The following OR8U3 variants were observed in gnomAD, a reference collection of about 807,000 sequenced individuals.
OR8U3 encodes the protein olfactory receptor family 8 subfamily U member 3, also known as olfactory receptor 8U3.
For missense variants in OR8U3, 429 were observed against 388.6 expected, an observed-to-expected ratio of 1.10 and a Z score of -0.88; for synonymous variants, 170 against 147.0, an observed-to-expected ratio of 1.16 and a Z score of -1.13.
In OR8U3 at chr11:56,417,361, C is replaced by A. The variant is rs1392829978; in HGVS notation, c.872G>T (p.Ser291Ile). 6.2e-7 allele frequency: 1 copy of A among 1,612,082 alleles called. No homozygotes were observed. The highest frequency in any genetic ancestry group is 8.5e-7 in the Non-Finnish European group (1 of 1,178,270). Reference sequence around the variant, plus strand: ...ATCTTTCACTTCTTTGTTCCTTAGACTATAGATTAGGGGGTTTAACATGGG... The same window carrying A: ...ATCTTTCACTTCTTTGTTCCTTAGAATATAGATTAGGGGGTTTAACATGGG... ...VIPMLNPLIY[S>I]LRNKEVKDAS... Residue 291 changes from serine (S) to isoleucine (I), a missense_variant, in exon 1 of 1, where the codon AGT becomes ATT. Physicochemically the swap from Ser to Ile is moderately radical, Grantham distance 142 (BLOSUM62 -2). Coordinates refer to ENST00000623286, the MANE Select transcript of OR8U3 (RefSeq NM_001004744.1).
rs1190449138 is a variant in OR8U3, at chr11:56,417,809, T to C, written c.424A>G (p.Ile142Val). 1 of 1,613,772 alleles carries C rather than the reference T, an allele frequency of 6.2e-7. No homozygotes were observed. The highest frequency in any genetic ancestry group is 2.2e-5 in the East Asian group (1 of 44,884). ...YSTLMSRRVC[I>V]QLVAVPYIYS... ...ATATATGGAACTGCCACCAGTTGAA[T>C]GCAGACTCTTCTTGACATCAGTGTT... The change falls in exon 1 of 1, where the codon ATT (isoleucine) becomes GTT (valine). Residue 142 changes from isoleucine to valine, a missense_variant. Coordinates refer to ENST00000623286, the MANE Select transcript of OR8U3 (RefSeq NM_001004744.1).
rs149197985 is a variant in OR8U3, at chr11:56,417,547, C to T, written c.686G>A (p.Arg229His). Residue 229 changes from arginine to histidine, a missense_variant, in exon 1 of 1, where the codon CGC (arginine) becomes CAC (histidine). Arg to His is a conservative substitution (Grantham distance 29). Transcript: ENST00000623286. ...GGCTTTGTGTTGCCCCTGAGTAGAG[C>T]GGATCCTTAGGATAGCGGCAATAAT... The part of the protein sequence containing the change: ...IFIIAAILRI[R>H]STQGQHKAIS... 12,476 of 1,613,634 alleles carry T rather than the reference C, an allele frequency of 7.7e-3. 60 individuals are homozygous for T. Among genetic ancestry groups the T allele is most frequent in the Non-Finnish European group, 9.3e-3 (10,953 of 1,179,748 alleles).
chr11:56,417,601 G>A lies in OR8U3; in HGVS notation c.632C>T (p.Ser211Phe). The A allele has an allele frequency of 6.2e-7, 1 of 1,613,950 alleles. No homozygotes were observed. Among genetic ancestry groups the A allele is most frequent in the South Asian group, 1.1e-5 (1 of 91,086 alleles). Residue 211 changes from serine to phenylalanine, a missense_variant, in exon 1 of 1, where the codon TCT becomes TTT. Ser to Phe is a radical substitution (Grantham distance 155). Coordinates refer to ENST00000623286, the MANE Select transcript of OR8U3 (RefSeq NM_001004744.1). ...GATGTAGGAGGTGAGGACAATGGAA[G>A]AGGAAGAGATCATATCAAAGCCAGC... ...AFAGFDMISS[S>F]SIVLTSYIFI...
In OR8U3 at chr11:56,417,515, T is replaced by C; in HGVS notation, c.718A>G (p.Thr240Ala). ...STQGQHKAISTCGSHMVTVTI... is the reference protein window; with the variant it reads ...STQGQHKAISACGSHMVTVTI... ...ACAGTCACCATATGGGAGCCACAGG[T>C]GGAAATGGCTTTGTGTTGCCCCTGA... is the stretch of plus-strand genomic sequence containing the variant. The change falls in exon 1 of 1, where the codon ACC (threonine) becomes GCC (alanine). Residue 240 changes from threonine (T) to alanine (A), a missense_variant. Coordinates refer to ENST00000623286, the MANE Select transcript of OR8U3 (RefSeq NM_001004744.1). 1 of 1,613,726 alleles carries C rather than the reference T, an allele frequency of 6.2e-7. No individual in the cohort carries two copies. Among genetic ancestry groups the C allele is most frequent in the Non-Finnish European group, 8.5e-7 (1 of 1,179,914 alleles).
chr11:56,417,268 TTTC>T lies in OR8U3; in HGVS notation c.962_964del (p.Arg321del). ...TTATTTCCTGCTTGTTTAATAAAGTTTTCTTATTTTTAAAAATGTTAATATCTG... is the reference window on the plus strand; with the variant it reads ...TTATTTCCTGCTTGTTTAATAAAGTTTTATTTTTAAAAATGTTAATATCTG... On this transcript the variant is annotated inframe_deletion, in exon 1 of 1. Transcript: ENST00000623286. 1 of 1,339,666 alleles carries T rather than the reference TTTC, an allele frequency of 7.5e-7. No individual in the cohort carries two copies. Among genetic ancestry groups the T allele is most frequent in the African/African-American group, 1.5e-5 (1 of 67,982 alleles). 83.0% of individuals were successfully genotyped at this position (1,339,666 alleles called of 1,614,324 possible).
At position 56,417,737 on chromosome 11, in the gene OR8U3, G is replaced by C. The variant is rs748959249; in HGVS notation, c.496C>G (p.Leu166Val). ...ALFHTVITFRLTYCGPNLINH... is the reference protein window; with the variant it reads ...ALFHTVITFRVTYCGPNLINH... ...ATTAAGTTTGGGCCACAGTAAGTCA[G>C]ACGGAAAGTGATAACGGTGTGGAAG... Residue 166 changes from leucine to valine, a missense_variant, in exon 1 of 1, where the codon CTG (leucine) becomes GTG (valine). Physicochemically the swap from Leu to Val is conservative, Grantham distance 32. Transcript: ENST00000623286. 4 of 1,614,074 alleles carry C rather than the reference G, an allele frequency of 2.5e-6. No individual in the cohort carries two copies. Among genetic ancestry groups the C allele is most frequent in the Non-Finnish European group, 3.4e-6 (4 of 1,179,956 alleles).
Position 56,417,628 on chromosome 11 carries a change from A to T in OR8U3, c.605T>A (p.Phe202Tyr). Residue 202 changes from phenylalanine (F) to tyrosine (Y), a missense_variant, in exon 1 of 1, where the codon TTT becomes TAT. By Grantham distance (22) the Phe-to-Tyr change is conservative. Transcript: ENST00000623286. ...GGAAGAGATCATATCAAAGCCAGCA[A>T]AGGCAAATATCAGAATTTCCTTCAT... ...THMKEILIFA[F>Y]AGFDMISSSS... 1 of 1,614,066 alleles carries T rather than the reference A, an allele frequency of 6.2e-7. No homozygotes were observed. Among genetic ancestry groups the T allele is most frequent in the Non-Finnish European group, 8.5e-7 (1 of 1,179,972 alleles).
At position 56,417,311 on chromosome 11, in the gene OR8U3, C is replaced by A. The variant is rs1853168360; in HGVS notation, c.922G>T (p.Gly308Cys). The change falls in exon 1 of 1, where the codon GGT (glycine) becomes TGT (cysteine). Residue 308 changes from glycine to cysteine, a missense_variant. By Grantham distance (159) the Gly-to-Cys change is radical (BLOSUM62 -3). Coordinates refer to ENST00000623286, the MANE Select transcript of OR8U3 (RefSeq NM_001004744.1). ...GTTAATATCTGTAAGTTTTCACAACCTTTATCCAAGGCTTTCTTTGAGGCA... is the reference window on the plus strand; with the variant it reads ...GTTAATATCTGTAAGTTTTCACAACATTTATCCAAGGCTTTCTTTGAGGCA... ...KDASKKALDK[G>C]CENLQILTFL... is the part of the protein sequence containing the mutation. 6.4e-7 allele frequency: 1 copy of A among 1,565,310 alleles called. No individual in the cohort carries two copies. Among genetic ancestry groups the A allele is most frequent in the Admixed American group, 1.8e-5 (1 of 56,414 alleles).
Position 56,417,798 on chromosome 11 carries a change from C to T in OR8U3, c.435G>A (p.Val145=), listed in dbSNP as rs753415108. 6.2e-7 allele frequency: 1 copy of T among 1,613,814 alleles called. No individual in the cohort carries two copies. Residue 145 remains valine, a synonymous_variant, in exon 1 of 1, where the codon GTG becomes GTA. Coordinates refer to ENST00000623286, the MANE Select transcript of OR8U3 (RefSeq NM_001004744.1). ...LMSRRVCIQL[V]AVPYIYSFLV... ...GGAAGCTGTATATATATGGAACTGC[C>T]ACCAGTTGAATGCAGACTCTTCTTG...
chr11:56,417,576 G>C lies in OR8U3; in HGVS notation c.657C>G (p.Ile219Met). The C allele has an allele frequency of 6.2e-7, 1 of 1,613,830 alleles. No homozygotes were observed. Among genetic ancestry groups the C allele is most frequent in the Non-Finnish European group, 8.5e-7 (1 of 1,179,800 alleles). The change falls in exon 1 of 1, where the codon ATC becomes ATG. Residue 219 changes from isoleucine (I) to methionine (M), a missense_variant. Physicochemically the swap from Ile to Met is conservative, Grantham distance 10 (BLOSUM62 1). Coordinates refer to ENST00000623286, the MANE Select transcript of OR8U3 (RefSeq NM_001004744.1). Reference protein sequence around the residue: ...SSSSIVLTSYIFIIAAILRIR... With the variant: ...SSSSIVLTSYMFIIAAILRIR... ...TCCTTAGGATAGCGGCAATAATAAA[G>C]ATGTAGGAGGTGAGGACAATGGAAG...
chr11:56,418,220 T>C lies in OR8U3; in HGVS notation c.13A>G (p.Asn5Asp). The C allele has an allele frequency of 1.3e-6, 2 of 1,581,252 alleles. No homozygotes were observed. Among genetic ancestry groups the C allele is most frequent in the Non-Finnish European group, 1.7e-6 (2 of 1,167,676 alleles). The change falls in exon 1 of 1, where the codon AAT becomes GAT. Residue 5 changes from asparagine (N) to aspartate (D), a missense_variant. Coordinates refer to ENST00000623286, the MANE Select transcript of OR8U3 (RefSeq NM_001004744.1). MAEV[N>D]IIYVTVFILK... ...ATGAATACAGTGACATAAATGATAT[T>C]AACTTCAGCCATTTATCCTAACAGG...
chr11:56,417,787 T>A lies in OR8U3; in HGVS notation c.446A>T (p.Tyr149Phe). 1 of 1,613,944 alleles carries A rather than the reference T, an allele frequency of 6.2e-7. No homozygotes were observed. Among genetic ancestry groups the A allele is most frequent in the Admixed American group, 1.7e-5 (1 of 59,970 alleles). ...RVCIQLVAVP[Y>F]IYSFLVALFH... is the part of the protein sequence containing the mutation. ...GAGGGCAACCAGGAAGCTGTATATATATGGAACTGCCACCAGTTGAATGCA... is the reference window on the plus strand; with the variant it reads ...GAGGGCAACCAGGAAGCTGTATATAAATGGAACTGCCACCAGTTGAATGCA... Residue 149 changes from tyrosine (Y) to phenylalanine (F), a missense_variant, in exon 1 of 1, where the codon TAT (tyrosine) becomes TTT (phenylalanine). Tyr to Phe is a conservative substitution (Grantham distance 22). Coordinates refer to ENST00000623286, the MANE Select transcript of OR8U3 (RefSeq NM_001004744.1).
In OR8U3 at chr11:56,418,149, A is replaced by C. The variant is rs767617940; in HGVS notation, c.84T>G (p.Phe28Leu). The change falls in exon 1 of 1, where the codon TTT becomes TTG. Residue 28 changes from phenylalanine (F) to leucine (L), a missense_variant. Phe to Leu is a conservative substitution (Grantham distance 22). Transcript: ENST00000623286. Reference sequence around the variant, plus strand: ...CCAGATAGATAACTAAAAACACCCCAAAGCACGGGGCCTGAAGCTCTGGCC... The same window carrying C: ...CCAGATAGATAACTAAAAACACCCCCAAGCACGGGGCCTGAAGCTCTGGCC... ...TNRPELQAPC[F>L]GVFLVIYLVT... The C allele has an allele frequency of 6.2e-7, 1 of 1,613,896 alleles. No individual in the cohort carries two copies. The highest frequency in any genetic ancestry group is 8.5e-7 in the Non-Finnish European group (1 of 1,179,846).
Position 56,418,072 on chromosome 11 carries a change from C to T in OR8U3, c.161G>A (p.Arg54Gln), listed in dbSNP as rs774174265. 5.6e-6 allele frequency: 9 copies of T among 1,613,624 alleles called. No individual in the cohort carries two copies. Among genetic ancestry groups the T allele is most frequent in the Admixed American group, 1.7e-5 (1 of 59,920 alleles). The change falls in exon 1 of 1, where the codon CGA (arginine) becomes CAA (glutamine). Residue 54 changes from arginine (R) to glutamine (Q), a missense_variant. Arg to Gln is a conservative substitution (Grantham distance 43). Transcript: ENST00000623286. The part of the protein sequence containing the change: ...GLITLIKIDT[R>Q]LHTPMYYFLS... Reference sequence around the variant, plus strand: ...GAAATAGTACATAGGTGTGTGGAGTCGAGTATCAATCTTGATTAAAGTAAT... The same window carrying T: ...GAAATAGTACATAGGTGTGTGGAGTTGAGTATCAATCTTGATTAAAGTAAT...
Position 56,418,108 on chromosome 11 carries a change from T to C in OR8U3, c.125A>G (p.Asn42Ser). The change falls in exon 1 of 1, where the codon AAT (asparagine) becomes AGT (serine). Residue 42 changes from asparagine (N) to serine (S), a missense_variant. Asn to Ser is a conservative substitution (Grantham distance 46). Transcript: ENST00000623286. ...CTTGATTAAAGTAATCAACCCAAGA[T>C]TGCCCAGCACTGTGACCAGATAGAT... ...LVIYLVTVLG[N>S]LGLITLIKID... The C allele has an allele frequency of 6.2e-7, 1 of 1,613,834 alleles. No homozygotes were observed. The highest frequency in any genetic ancestry group is 8.5e-7 in the Non-Finnish European group (1 of 1,179,886).
Position 56,417,289 on chromosome 11 carries a change from A to T in OR8U3, c.944T>A (p.Leu315Ter). ...LDKGCENLQI[L>*]TFLKIRKLY ...AAGTTTTCTTATTTTTAAAAATGTT[A>T]ATATCTGTAAGTTTTCACAACCTTT... The change falls in exon 1 of 1, where the codon TTA becomes TAA. Residue 315 changes from leucine to a stop codon, truncating the protein, a stop_gained. Coordinates refer to ENST00000623286, the MANE Select transcript of OR8U3 (RefSeq NM_001004744.1). LOFTEE classifies it low-confidence loss of function (END_TRUNC). 1 of 1,434,888 alleles carries T rather than the reference A, an allele frequency of 7.0e-7. No homozygotes were observed. The highest frequency in any genetic ancestry group is 9.6e-7 in the Non-Finnish European group (1 of 1,046,348). 88.9% of individuals were successfully genotyped at this position (1,434,888 alleles called of 1,614,324 possible).
Position 56,418,157 on chromosome 11 carries a change from G to T in OR8U3, c.76C>A (p.Pro26Thr). ...ATAACTAAAAACACCCCAAAGCACGGGGCCTGAAGCTCTGGCCGGTTGGTA... is the reference window on the plus strand; with the variant it reads ...ATAACTAAAAACACCCCAAAGCACGTGGCCTGAAGCTCTGGCCGGTTGGTA... ...GITNRPELQA[P>T]CFGVFLVIYL... Residue 26 changes from proline (P) to threonine (T), a missense_variant, in exon 1 of 1, where the codon CCG becomes ACG. Physicochemically the swap from Pro to Thr is conservative, Grantham distance 38. Coordinates refer to ENST00000623286, the MANE Select transcript of OR8U3 (RefSeq NM_001004744.1). The T allele has an allele frequency of 6.2e-7, 1 of 1,613,660 alleles. No individual in the cohort carries two copies. Among genetic ancestry groups the T allele is most frequent in the South Asian group, 1.1e-5 (1 of 91,044 alleles).
At position 56,417,959 on chromosome 11, in the gene OR8U3, T is replaced by C. The variant is rs1232507731; in HGVS notation, c.274A>G (p.Ile92Val). 1 of 1,613,690 alleles carries C rather than the reference T, an allele frequency of 6.2e-7. No individual in the cohort carries two copies. Among genetic ancestry groups the C allele is most frequent in the Admixed American group, 1.7e-5 (1 of 59,880 alleles). The change falls in exon 1 of 1, where the codon ATT becomes GTT. Residue 92 changes from isoleucine to valine, a missense_variant. Ile to Val is a conservative substitution (Grantham distance 29). Transcript: ENST00000623286. Reference protein sequence around the residue: ...MVNFVVERNTIPFHACATQLG... With the variant: ...MVNFVVERNTVPFHACATQLG... ...TGGGTTGCACAAGCATGGAAAGGAA[T>C]GGTGTTGCGTTCCACAACAAAATTC...
Position 56,417,928 on chromosome 11 carries a change from C to A in OR8U3, c.305G>T (p.Gly102Val). The A allele has an allele frequency of 6.2e-7, 1 of 1,613,830 alleles. No individual in the cohort carries two copies. Among genetic ancestry groups the A allele is most frequent in the Non-Finnish European group, 8.5e-7 (1 of 1,179,846 alleles). The change falls in exon 1 of 1, where the codon GGT (glycine) becomes GTT (valine). Residue 102 changes from glycine to valine, a missense_variant. Physicochemically the swap from Gly to Val is moderately radical, Grantham distance 109. Transcript: ENST00000623286. Reference sequence around the variant, plus strand: ...AGTGATCATGAAGGTGAGAAAACAACCCAGTTGGGTTGCACAAGCATGGAA... The same window carrying A: ...AGTGATCATGAAGGTGAGAAAACAAACCAGTTGGGTTGCACAAGCATGGAA... ...IPFHACATQLGCFLTFMITEC... is the reference protein window; with the variant it reads ...IPFHACATQLVCFLTFMITEC...
Sources: gnomAD v4.1 joint callset for allele counts on GRCh38, gnomAD v4.1.1 for gene constraint, MANE v1.5 for transcripts, NCBI Gene and HGNC (gene_info 2026-07-23, HGNC 2026-07-21) for gene names.